The following SGCZ variants were observed in gnomAD, a reference collection of about 807,000 sequenced individuals.
The protein encoded by SGCZ is sarcoglycan zeta.
In SGCZ, 40 loss-of-function variants were observed where a neutral mutation model predicts 41.3. The observed-to-expected ratio is 0.97, with a 90% CI of 0.75 to 1.26. The LOEUF (loss-of-function observed/expected upper bound fraction) is 1.26. Ranked by LOEUF, SGCZ falls within the 50% of genes most tolerant of loss-of-function variation. The pLI is 0.00. For synonymous variants in SGCZ, 206 were observed against 137.5 expected, an observed-to-expected ratio of 1.50 and a Z score of -3.49; for missense variants, 552 against 369.8, an observed-to-expected ratio of 1.49 and a Z score of -4.04.
intron 1 of SGCZ, among the ~76,000 whole-genome samples, chr8:14,819,827 G>A (rs766423342): frequency 2.6e-5 from 4 of 151,856 alleles, no homozygotes; most frequent in Non-Finnish European, 5.9e-5. Context: ...TTTTATGTTA[G>A]CACAATAGTA....
chr8:15,073,709 C>A (rs745787017), intron 1 of SGCZ, among the ~76,000 whole-genome samples: 11 of 152,254 alleles, frequency 7.2e-5, no homozygotes, highest in South Asian at 2.1e-4. Flanking sequence ...GAGCTTCCAG[C>A]CTTGCTAGCT....
intron 5 of SGCZ, among the ~76,000 whole-genome samples, chr8:14,122,222 A>G (rs1319743540): frequency 6.6e-6 from 1 of 152,212 alleles, no homozygotes; most frequent in African/African-American, 2.4e-5. Flanking sequence ...GCTTGCAGTT[A>G]GCTGAGATTG....
intron 1 of SGCZ, among the ~76,000 whole-genome samples, chr8:14,847,906 G>C (rs1803190218): frequency 6.6e-6 from 1 of 151,404 alleles, no homozygotes; most frequent in Non-Finnish European, 1.5e-5. Context: ...AGTGAAATCA[G>C]GCAACACAAA....
intron 2 of SGCZ, among the ~76,000 whole-genome samples, chr8:14,392,988 G>A (rs1437519035): frequency 6.6e-6 from 1 of 151,896 alleles, no homozygotes; most frequent in African/African-American, 2.4e-5. Flanking sequence ...TAATTTTCAG[G>A]AGATAGAACT....
intron 1 of SGCZ, among the ~76,000 whole-genome samples, chr8:14,893,555 T>C (rs1186667778): frequency 6.6e-6 from 1 of 152,184 alleles, no homozygotes; most frequent in African/African-American, 2.4e-5. Flanking sequence ...TATGCTAGAC[T>C]GTGAATAATT....
intron 2 of SGCZ, among the ~76,000 whole-genome samples, chr8:14,329,201 G>A (rs1286760478): frequency 6.6e-6 from 1 of 152,108 alleles, no homozygotes; most frequent in Non-Finnish European, 1.5e-5. Flanking sequence ...GACATTTAGG[G>A]TTTGAAACTT....
At chr8:15,067,028 A>C (rs1805176593) in intron 1 of SGCZ, among the ~76,000 whole-genome samples, 1 of 152,198 alleles carries the variant, frequency 6.6e-6, no homozygotes, top group African/African-American at 2.4e-5. Context: ...ATAAACATGA[A>C]CTATATATGA....
At chr8:14,375,111 T>C (rs73664333) in intron 2 of SGCZ, among the ~76,000 whole-genome samples, 6,700 of 150,198 alleles carry the variant, frequency 0.045, 474 homozygotes, top group African/African-American at 0.15. Context: ...GATAGATAGA[T>C]AGACAGACAG....
rs139753017 is a variant in SGCZ at position 14,547,424 on chromosome 8, C to T, written c.234+7308G>A. Among the ~76,000 whole-genome samples, 792 of 152,148 alleles carry T rather than the reference C, an allele frequency of 5.2e-3. 11 individuals are homozygous for T. The highest frequency in any genetic ancestry group is 0.017 in the African/African-American group (722 of 41,520). ...TGTTCCTCTTAGAAGTTTATGTAAA[C>T]GCTTTTTATATCTCAGCACTAAATT... On this transcript the variant is annotated intron_variant, in intron 2 of 7. Transcript: ENST00000382080.
intron 2 of SGCZ, among the ~76,000 whole-genome samples, chr8:14,358,501 T>A (rs1053232040): frequency 6.6e-6 from 1 of 152,186 alleles, no homozygotes; most frequent in Non-Finnish European, 1.5e-5. Flanking sequence ...ATATGTTATA[T>A]GTCAAGGAAA....
intron 1 of SGCZ, among the ~76,000 whole-genome samples, chr8:14,841,279 C>T (rs557610437): frequency 1.2e-4 from 19 of 152,160 alleles, no homozygotes; most frequent in Admixed American, 6.6e-4. Flanking sequence ...GCTGCATCTA[C>T]AAGCACTGGC....
chr8:14,211,732 C>T (rs1478730263), intron 4 of SGCZ, among the ~76,000 whole-genome samples: 3 of 152,116 alleles, frequency 2.0e-5, no homozygotes, highest in Non-Finnish European at 4.4e-5. Flanking sequence ...CACTCACTAT[C>T]ACAAGAACAG....
chr8:14,422,403 T>A (rs530977955), intron 2 of SGCZ, among the ~76,000 whole-genome samples: 2 of 152,322 alleles, frequency 1.3e-5, no homozygotes, highest in Admixed American at 1.3e-4. Flanking sequence ...GAATAAGTTC[T>A]GTGACTTGCC....
intron 4 of SGCZ, among the ~76,000 whole-genome samples, chr8:14,221,078 G>T (rs1000208940): frequency 6.6e-6 from 1 of 152,048 alleles, no homozygotes; most frequent in South Asian, 2.1e-4. Flanking sequence ...GAGGCTAGGA[G>T]CCTTGACGGA....
At chr8:15,062,806 A>G (rs1585524908) in intron 1 of SGCZ, among the ~76,000 whole-genome samples, 2 of 152,178 alleles carry the variant, frequency 1.3e-5, no homozygotes, top group South Asian at 4.1e-4. Flanking sequence ...GTATAGTAAA[A>G]TATCACTACA....
At chr8:14,483,109 A>G (rs1801579401) in intron 2 of SGCZ, among the ~76,000 whole-genome samples, 1 of 152,134 alleles carries the variant, frequency 6.6e-6, no homozygotes, top group Non-Finnish European at 1.5e-5. Context: ...AAACATTGAA[A>G]TCATCTGTGT....
chr8:14,150,355 C>CA (rs1356364084), intron 5 of SGCZ, among the ~76,000 whole-genome samples: 1 of 151,882 alleles, frequency 6.6e-6, no homozygotes, highest in Non-Finnish European at 1.5e-5. Flanking sequence ...AAAATTCAAT[C>CA]AAAAAATGGG....
At chr8:14,243,367 T>C (rs1020172669) in intron 3 of SGCZ, among the ~76,000 whole-genome samples, 6 of 152,196 alleles carry the variant, frequency 3.9e-5, no homozygotes, top group African/African-American at 1.4e-4. Context: ...AATGCATCTT[T>C]TCCTGTTTTT....
At chr8:15,050,334 G>A (rs1804467135) in intron 1 of SGCZ, among the ~76,000 whole-genome samples, 1 of 152,148 alleles carries the variant, frequency 6.6e-6, no homozygotes, top group Non-Finnish European at 1.5e-5. Context: ...AGAGGTTTAT[G>A]TGGCCCTCTC....
Sources: gnomAD v4.1 joint callset for allele counts (sites outside exome capture counted in the v4.1 genomes callset) on GRCh38, gnomAD v4.1.1 for gene constraint, MANE v1.5 for transcripts, NCBI Gene and HGNC (gene_info 2026-07-23, HGNC 2026-07-21) for gene names.